Variants in ZNF778 observed in about 807,000 individuals in gnomAD.
ZNF778 encodes zinc finger protein 778.
In ZNF778, 37 loss-of-function variants were observed where a neutral mutation model predicts 23.9. That is an observed-to-expected ratio of 1.54 (90% confidence interval 1.19 to 2.03). ZNF778 has a LOEUF of 2.03. Ranked by LOEUF, ZNF778 falls within the 30% of genes most tolerant of loss-of-function variation. The pLI, the probability that ZNF778 is intolerant of heterozygous loss-of-function variation, is 0.00. For synonymous variants in ZNF778, 483 were observed against 343.9 expected (o/e 1.40, Z -4.48); for missense variants, 1,297 against 934.4 (o/e 1.39, Z -5.06).
At chr16:89,219,705 C>T (rs548867763) in intron 1 of ZNF778, among the ~76,000 whole-genome samples, 74 of 152,404 alleles carry the variant, frequency 4.9e-4, no homozygotes, top group African/African-American at 1.8e-3. Context: ...CACCAAGTGC[C>T]TAAGAAGCTT....
At position 89,221,479 on chromosome 16, in the gene ZNF778, C is replaced by T. The variant is rs560373678; in HGVS notation, c.25+327C>T. ...CTCACAAACATTTTGTGTCACCAGG[C>T]GAAACAGACTACCCTGGCACTGTAT... On this transcript the variant is annotated intron_variant, in intron 2 of 6. Transcript: ENST00000433976. 2.9e-3 allele frequency among the ~76,000 whole-genome samples: 445 copies of T among 152,204 alleles called. 5 individuals carry two copies. The highest frequency in any genetic ancestry group is 9.9e-3 in the African/African-American group (413 of 41,518).
chr16:89,218,870 G>C (rs1186208654), intron 1 of ZNF778, among the ~76,000 whole-genome samples: 1 of 152,088 alleles, frequency 6.6e-6, no homozygotes, highest in Non-Finnish European at 1.5e-5. Context: ...CACTTTGGGA[G>C]GCCGAGGCGG....
At position 89,228,404 on chromosome 16, in the gene ZNF778, TGTGGG is replaced by T. The variant is rs1209586656; in HGVS notation, c.2117_2121del (p.Cys706Ter). ...GCAGAAACCCTATAAATGTAAGGAA[TGTGGG>T]AAAGCATACAATAGGTTTTATCTAC... On this transcript the variant is annotated frameshift_variant, in exon 7 of 7. Coordinates refer to ENST00000433976, the MANE Select transcript of ZNF778 (RefSeq NM_001201407.2). LOFTEE classifies it low-confidence loss of function (END_TRUNC). 3.1e-6 allele frequency: 5 copies of T among 1,613,832 alleles called. No homozygotes were observed. Among genetic ancestry groups the T allele is most frequent in the Non-Finnish European group, 4.2e-6 (5 of 1,179,892 alleles).
chr16:89,218,736 A>G (rs1480889520), intron 1 of ZNF778, among the ~76,000 whole-genome samples: 1 of 152,144 alleles, frequency 6.6e-6, no homozygotes, highest in Non-Finnish European at 1.5e-5. Context: ...GCTTGCAGTG[A>G]GCCGAGATGG....
At chr16:89,222,020 T>A (rs2031002888) in intron 2 of ZNF778, 72 bp from the exon 3 acceptor site, 5 of 1,106,772 alleles carry the variant, frequency 4.5e-6, no homozygotes, top group Non-Finnish European at 6.6e-6. Context: ...ATGGAATGAC[T>A]TCCGGGTCCA....
Position 89,228,694 on chromosome 16 carries a change from A to G in ZNF778, c.*132A>G. On this transcript the variant is annotated 3_prime_UTR_variant, in exon 7 of 7. Transcript: ENST00000433976. ...AGCATCTCATCACAACCCGGCAGGC[A>G]GGAACTCACCCTGGAGCCCTATGCA... The G allele has an allele frequency of 6.8e-7, 1 of 1,469,444 alleles. No individual in the cohort carries two copies. Among genetic ancestry groups the G allele is most frequent in the Non-Finnish European group, 9.0e-7 (1 of 1,115,284 alleles). 91.0% of individuals were successfully genotyped at this position (1,469,444 alleles called of 1,614,324 possible). A position where few individuals can be genotyped will look rare whatever the true frequency, so the allele number is the denominator to read the frequency against.
intron 4 of ZNF778, among the ~76,000 whole-genome samples, chr16:89,224,088 G>C (rs2031233528): frequency 2.0e-5 from 3 of 151,410 alleles, no homozygotes; most frequent in Admixed American, 2.0e-4. Context: ...GGGTGCAGTG[G>C]CTCAGGGCTG....
At position 89,229,941 on chromosome 16, in the gene ZNF778, G is replaced by T; in HGVS notation, c.*1379G>T. The T allele has an allele frequency of 3.1e-6, 3 of 982,796 alleles. No individual in the cohort carries two copies. The highest frequency in any genetic ancestry group is 3.6e-6 in the Non-Finnish European group (3 of 827,784). The allele number at this position is 982,796 out of a possible 1,614,324, so 60.9% of individuals were successfully genotyped here. On this transcript the variant is annotated 3_prime_UTR_variant, in exon 7 of 7. Transcript: ENST00000433976. Reference sequence around the variant, plus strand: ...GTGTTGAGGATCCAGATGTGATTCTGTGAGCAGTGTAGGCTCTGGTTGGTT... The same window carrying T: ...GTGTTGAGGATCCAGATGTGATTCTTTGAGCAGTGTAGGCTCTGGTTGGTT...
chr16:89,221,979 G>C, intron 2 of ZNF778, 113 bp from the exon 3 acceptor site: 1 of 662,226 alleles, frequency 1.5e-6, no homozygotes. Flanking sequence ...TTTCCTGAGT[G>C]TGCAGGAGTA....
chr16:89,227,254 C>A lies in ZNF778; in HGVS notation c.966C>A (p.Ser322=). Residue 322 remains serine, a synonymous_variant, in exon 7 of 7, where the codon TCC becomes TCA. Transcript: ENST00000433976. ...GTGGAAAAGCCTCCCCTGTTTCTTC[C>A]AGCCTAACTCAACATGTAAGAATTC... is the stretch of plus-strand genomic sequence containing the variant. The part of the protein sequence containing the change: ...EECGKASPVS[S]SLTQHVRIHA... 2 of 1,613,854 alleles carry A rather than the reference C, an allele frequency of 1.2e-6. No individual in the cohort carries two copies. Among genetic ancestry groups the A allele is most frequent in the Non-Finnish European group, 1.7e-6 (2 of 1,179,824 alleles).
Position 89,235,793 on chromosome 16 carries a change from T to A in ZNF778, c.*7231T>A, listed in dbSNP as rs1392824446. 1.3e-5 allele frequency: 2 copies of A among 152,018 alleles called. No homozygotes were observed. The highest frequency in any genetic ancestry group is 2.9e-5 in the Non-Finnish European group (2 of 68,028). 9.4% of individuals were successfully genotyped at this position (152,018 alleles called of 1,614,324 possible). ...TGAAAAAATAATGATGAAACATTTC[T>A]CATATTTGGTGTAAGATAAAAACTT... On this transcript the variant is annotated 3_prime_UTR_variant, in exon 7 of 7. Coordinates refer to ENST00000433976, the MANE Select transcript of ZNF778 (RefSeq NM_001201407.2).
Position 89,229,484 on chromosome 16 carries a change from G to T in ZNF778, c.*922G>T, listed in dbSNP as rs1456802629. On this transcript the variant is annotated 3_prime_UTR_variant, in exon 7 of 7. Coordinates refer to ENST00000433976, the MANE Select transcript of ZNF778 (RefSeq NM_001201407.2). ...TTCTGTGTGAGCAGCGTAGGCTCTG[G>T]TTGGTTAGTCTTGAGGATCCAGATG... The T allele has an allele frequency of 2.4e-5, 23 of 975,656 alleles. 3 individuals carry two copies. The highest frequency in any genetic ancestry group is 3.8e-5 in the African/African-American group (2 of 52,468). The allele number at this position is 975,656 out of a possible 1,614,324, so 60.4% of individuals were successfully genotyped here. A position where few individuals can be genotyped will look rare whatever the true frequency, so the allele number is the denominator to read the frequency against.
rs12920005 is a variant in ZNF778, at chr16:89,229,354, C to T, written c.*792C>T. 2.7e-3 allele frequency: 2,675 copies of T among 980,506 alleles called. 9 individuals carry two copies. The highest frequency in any genetic ancestry group is 2.8e-3 in the Non-Finnish European group (2,331 of 829,374). The allele number at this position is 980,506 out of a possible 1,614,324, so 60.7% of individuals were successfully genotyped here. On this transcript the variant is annotated 3_prime_UTR_variant, in exon 7 of 7. Coordinates refer to ENST00000433976, the MANE Select transcript of ZNF778 (RefSeq NM_001201407.2). ...TTAGTCTTCAGGATCCAGATGTGAT[C>T]TTGTGTGAGCACTGTAGGCTCTGGT...
chr16:89,223,471 C>T (rs998895957), intron 4 of ZNF778, among the ~76,000 whole-genome samples, 188 bp downstream of exon 4: 3 of 152,194 alleles, frequency 2.0e-5, no homozygotes, highest in Non-Finnish European at 2.9e-5. Context: ...GCATCACCGT[C>T]ACTCCTCTAG....
At position 89,227,799 on chromosome 16, in the gene ZNF778, C is replaced by G. The variant is rs1239582374; in HGVS notation, c.1511C>G (p.Pro504Arg). 5 of 1,613,910 alleles carry G rather than the reference C, an allele frequency of 3.1e-6. No individual in the cohort carries two copies. ...EHARIHTGEKPYECKQCGKAF... is the reference protein window; with the variant it reads ...EHARIHTGEKRYECKQCGKAF... ...GCGAGAATCCATACCGGAGAGAAAC[C>G]CTACGAATGTAAGCAGTGTGGCAAA... Residue 504 changes from proline (P) to arginine (R), a missense_variant, in exon 7 of 7, where the codon CCC becomes CGC. Pro to Arg is a moderately radical substitution (Grantham distance 103). Transcript: ENST00000433976.
chr16:89,222,672 A>C (rs954919741), intron 3 of ZNF778, among the ~76,000 whole-genome samples: 1 of 152,036 alleles, frequency 6.6e-6, no homozygotes, highest in Non-Finnish European at 1.5e-5. Context: ...CCACAACATT[A>C]CTCATTATTT....
rs2030878306 is a variant in ZNF778, at chr16:89,220,991, T to C, written c.-131-6T>C. On this transcript the variant is annotated splice_polypyrimidine_tract_variant and splice_region_variant and intron_variant, in intron 1 of 6. Coordinates refer to ENST00000433976, the MANE Select transcript of ZNF778 (RefSeq NM_001201407.2). ...GGAAGTAATGCTTCTTCATCATGATTGCTAGGAAATAGGGATCCAGCCATC... is the reference window on the plus strand; with the variant it reads ...GGAAGTAATGCTTCTTCATCATGATCGCTAGGAAATAGGGATCCAGCCATC... The C allele has an allele frequency of 1.2e-6, 1 of 869,216 alleles. No homozygotes were observed. The highest frequency in any genetic ancestry group is 1.8e-6 in the Non-Finnish European group (1 of 556,152). The allele number at this position is 869,216 out of a possible 1,614,324, so 53.8% of individuals were successfully genotyped here.
rs1402594813 is a variant in ZNF778 at position 89,229,507 on chromosome 16, A to G, written c.*945A>G. 12 of 965,770 alleles carry G rather than the reference A, an allele frequency of 1.2e-5. 2 individuals are homozygous for G. Among genetic ancestry groups the G allele is most frequent in the Non-Finnish European group, 1.5e-5 (12 of 825,396 alleles). The allele number at this position is 965,770 out of a possible 1,614,324, so 59.8% of individuals were successfully genotyped here. A position where few individuals can be genotyped will look rare whatever the true frequency, so the allele number is the denominator to read the frequency against. On this transcript the variant is annotated 3_prime_UTR_variant, in exon 7 of 7. Transcript: ENST00000433976. ...TGGTTGGTTAGTCTTGAGGATCCAG[A>G]TGTGATTCTGTGAGCAGCATAGGCT...
At position 89,228,393 on chromosome 16, in the gene ZNF778, A is replaced by C. The variant is rs779223458; in HGVS notation, c.2105A>C (p.Lys702Thr). 149 of 1,613,686 alleles carry C rather than the reference A, an allele frequency of 9.2e-5. No homozygotes were observed. Among genetic ancestry groups the C allele is most frequent in the Admixed American group, 3.7e-4 (22 of 59,958 alleles). ...GRIHTGQKPY[K>T]CKECGKAYNR... Reference sequence around the variant, plus strand: ...ATTCACACTGGGCAGAAACCCTATAAATGTAAGGAATGTGGGAAAGCATAC... The same window carrying C: ...ATTCACACTGGGCAGAAACCCTATACATGTAAGGAATGTGGGAAAGCATAC... The change falls in exon 7 of 7, where the codon AAA becomes ACA. Residue 702 changes from lysine (K) to threonine (T), a missense_variant. Transcript: ENST00000433976.
Sources: gnomAD v4.1 joint callset for allele counts (sites outside exome capture counted in the v4.1 genomes callset) on GRCh38, gnomAD v4.1.1 for gene constraint, MANE v1.5 for transcripts, NCBI Gene and HGNC (gene_info 2026-07-23, HGNC 2026-07-21) for gene names.